The following TMC4 variants were observed in gnomAD, a reference collection of about 807,000 sequenced individuals.
TMC4 encodes transmembrane channel like 4.
TMC4 carries 70 observed loss-of-function variants against 82.0 expected under a neutral mutation model. The ratio of observed to expected loss-of-function variants is 0.85; its 90% CI spans 0.70 to 1.04. The LOEUF (loss-of-function observed/expected upper bound fraction) is 1.04, where lower values mean the gene tolerates loss of function less well. TMC4 is among the 50% of genes least tolerant of loss of function. The probability of loss-of-function intolerance (pLI) is 0.00; values close to 1 mark genes in which losing one functional copy is unlikely to be tolerated. For missense variants in TMC4, 879 were observed against 899.0 expected (o/e 0.98, Z 0.28); for synonymous variants, 446 against 406.0 (o/e 1.10, Z -1.18).
intron 6 of TMC4, 147 bp from the exon 7 acceptor site, chr19:54,164,748 C>A: frequency 9.2e-7 from 1 of 1,083,400 alleles, no homozygotes; most frequent in South Asian, 1.5e-5. Flanking sequence ...AGTCCTGGTT[C>A]CACCTGCTCC....
intron 2 of TMC4, 95 bp downstream of exon 2, chr19:54,171,775 G>A: frequency 8.6e-7 from 1 of 1,168,940 alleles, no homozygotes; most frequent in African/African-American, 1.6e-5. Flanking sequence ...CAGAAGCCAG[G>A]AGCGGCAGAG....
At position 54,168,618 on chromosome 19, in the gene TMC4, C is replaced by T. The variant is rs772052187; in HGVS notation, c.505G>A (p.Val169Met). Reference sequence around the variant, plus strand: ...CAGGCCATGAGCACAGAGGCCAGCACGTTAAGAAGGAGCAGGAAGCGCAGC... The same window carrying T: ...CAGGCCATGAGCACAGAGGCCAGCATGTTAAGAAGGAGCAGGAAGCGCAGC... ...SLLRFLLLLN[V>M]LASVLMACMT... Residue 169 changes from valine to methionine, a missense_variant, in exon 4 of 15, where the codon GTG becomes ATG. Transcript: ENST00000619895. The T allele has an allele frequency of 9.0e-5, 143 of 1,595,286 alleles. 1 individual carries two copies. The Middle Eastern group carries it at 2.2e-3, about 24-fold the overall frequency.
chr19:54,168,896 C>T (rs1294591728), intron 3 of TMC4, among the ~76,000 whole-genome samples: 13 of 17,130 alleles, frequency 7.6e-4, no homozygotes, highest in East Asian at 6.3e-3. Context: ...TCTTTCTTTC[C>T]TTTCTTTCTT....
At chr19:54,167,892 C>G (rs2075743556) in intron 5 of TMC4, among the ~76,000 whole-genome samples, 1 of 151,782 alleles carries the variant, frequency 6.6e-6, no homozygotes, top group African/African-American at 2.4e-5. Flanking sequence ...GAAACCCCAT[C>G]TCTACTAAAA....
At position 54,168,352 on chromosome 19, in the gene TMC4, A is replaced by C; in HGVS notation, c.676-60T>G. 3.3e-6 allele frequency: 5 copies of C among 1,535,106 alleles called. No homozygotes were observed. In the South Asian group the frequency reaches 4.9e-5, roughly 15 times the overall value. ...GAGGAGGCGGGGCTCCTGGAGCTGC[A>C]CAGTCAGGGTCTGGGGTCAGGGTTT... is the stretch of plus-strand genomic sequence containing the variant. On this transcript the variant is annotated intron_variant, in intron 4 of 14. Transcript: ENST00000619895.
At position 54,165,403 on chromosome 19, in the gene TMC4, C is replaced by T. The variant is rs758596891; in HGVS notation, c.945+16G>A. The stretch of plus-strand genomic sequence containing the variant: ...CTGGTCCCTACCCAGTTGCAGACCC[C>T]GCTCCCTAATCGCACCTTTAATTCG... On this transcript the variant is annotated intron_variant, in intron 6 of 14. Coordinates refer to ENST00000619895, the MANE Select transcript of TMC4 (RefSeq NM_144686.4). The T allele has an allele frequency of 1.2e-5, 19 of 1,583,798 alleles. No individual in the cohort carries two copies. Among genetic ancestry groups the T allele is most frequent in the Non-Finnish European group, 1.6e-5 (18 of 1,158,228 alleles).
intron 1 of TMC4, 77 bp downstream of exon 1, chr19:54,172,962 T>C (rs1466112069): frequency 1.5e-6 from 2 of 1,303,144 alleles, no homozygotes; most frequent in African/African-American, 1.5e-5. Context: ...AGGCCAGGCC[T>C]CCCCTTTCCT....
chr19:54,165,659 TG>T (rs1381246017), intron 5 of TMC4, 93 bp from the exon 6 acceptor site: 7 of 1,446,834 alleles, frequency 4.8e-6, no homozygotes, highest in Non-Finnish European at 6.5e-6. Context: ...ATGGGGAAGA[TG>T]AACCCTAAGG....
In TMC4 at chr19:54,160,968, T is replaced by C; in HGVS notation, c.1883A>G (p.Glu628Gly). The C allele has an allele frequency of 1.2e-6, 2 of 1,614,044 alleles. No homozygotes were observed. The highest frequency in any genetic ancestry group is 1.7e-6 in the Non-Finnish European group (2 of 1,180,030). The part of the protein sequence containing the change: ...GQSSIWAQIP[E>G]SISSLPETTQ... ...GGTCTCAGGGAGGCTGGAAATAGAC[T>C]CAGGGATCTGGGCCCAGATGGACGA... is the stretch of plus-strand genomic sequence containing the variant. The change falls in exon 13 of 15, where the codon GAG becomes GGG. Residue 628 changes from glutamate to glycine, a missense_variant. By Grantham distance (98) the Glu-to-Gly change is moderately conservative. Coordinates refer to ENST00000619895, the MANE Select transcript of TMC4 (RefSeq NM_144686.4).
At position 54,172,045 on chromosome 19, in the gene TMC4, C is replaced by T; in HGVS notation, c.118G>A (p.Ala40Thr). The change falls in exon 2 of 15, where the codon GCT (alanine) becomes ACT (threonine). Residue 40 changes from alanine to threonine, a missense_variant. Transcript: ENST00000619895. Reference sequence around the variant, plus strand: ...GGGTCTCGGTACCGAAGGGTGGCAGCACTGGGCAGCTCGTTCAGCACAGAA... The same window carrying T: ...GGGTCTCGGTACCGAAGGGTGGCAGTACTGGGCAGCTCGTTCAGCACAGAA... Reference protein sequence around the residue: ...LSSVLNELPSAATLRYRDPGV... With the variant: ...LSSVLNELPSTATLRYRDPGV... 1 of 1,612,272 alleles carries T rather than the reference C, an allele frequency of 6.2e-7. No individual in the cohort carries two copies. The highest frequency in any genetic ancestry group is 8.5e-7 in the Non-Finnish European group (1 of 1,179,054).
At chr19:54,168,812 C>CTT (rs1449210662) in intron 3 of TMC4, 132 bp from the exon 4 acceptor site, 1 of 38,862 alleles carries the variant, frequency 2.6e-5, no homozygotes, top group Admixed American at 7.1e-4. Flanking sequence ...CTTTTCTTTT[C>CTT]TTTTCTTTTC....
At chr19:54,164,126 C>G (rs141651503) in intron 7 of TMC4, among the ~76,000 whole-genome samples, 2,892 of 151,982 alleles carry the variant, frequency 0.019, 102 homozygotes, top group African/African-American at 0.066. Flanking sequence ...AGGCGCCCAC[C>G]ACCACGCCCG....
chr19:54,165,202 C>T (rs1250035755), intron 6 of TMC4, among the ~76,000 whole-genome samples: 2 of 151,976 alleles, frequency 1.3e-5, no homozygotes, highest in African/African-American at 2.4e-5. Context: ...GCCACCGATC[C>T]CAGCCCTGGC....
At position 54,163,190 on chromosome 19, in the gene TMC4, G is replaced by A. The variant is rs780368354; in HGVS notation, c.1278-31C>T. 16 of 1,612,824 alleles carry A rather than the reference G, an allele frequency of 9.9e-6. No homozygotes were observed. In the East Asian group the frequency reaches 3.1e-4, roughly 31 times the overall value. On this transcript the variant is annotated intron_variant, in intron 8 of 14. Coordinates refer to ENST00000619895, the MANE Select transcript of TMC4 (RefSeq NM_144686.4). The stretch of plus-strand genomic sequence containing the variant: ...GGGGGGAAGGCAGAGAATGGGCCCT[G>A]ACCCGGTACCCACCATGTGGCAGTT...
chr19:54,163,032 C>A lies in TMC4; in HGVS notation c.1404+1G>T, dbSNP rs2075605694. 1.2e-6 allele frequency: 2 copies of A among 1,614,056 alleles called. No homozygotes were observed. Among genetic ancestry groups the A allele is most frequent in the Non-Finnish European group, 1.7e-6 (2 of 1,180,052 alleles). ...CCCACGCACACCCATGCCGTTCTCA[C>A]CGGAAGTTGTTTGTAATTGTAGCCA... On this transcript the variant is annotated splice_donor_variant, in intron 9 of 14. Transcript: ENST00000619895. LOFTEE classifies it high-confidence loss of function.
In TMC4 at chr19:54,162,735, T is replaced by G. The variant is rs2075597685; in HGVS notation, c.1440A>C (p.Lys480Asn). Residue 480 changes from lysine (K) to asparagine (N), a missense_variant, in exon 10 of 15, where the codon AAA becomes AAC. Physicochemically the swap from Lys to Asn is moderately conservative, Grantham distance 94. Transcript: ENST00000619895. ...CAGTCAGCAGATCAAAGAGCAGAAG[T>G]TTGTACATTTCCTGGCCCAGGACAG... Reference protein sequence around the residue: ...WETVLGQEMYKLLLFDLLTVL... With the variant: ...WETVLGQEMYNLLLFDLLTVL... 1 of 1,613,554 alleles carries G rather than the reference T, an allele frequency of 6.2e-7. No individual in the cohort carries two copies. The highest frequency in any genetic ancestry group is 1.7e-5 in the Admixed American group (1 of 59,980).
chr19:54,160,659 A>C, intron 13 of TMC4, 114 bp from the exon 14 acceptor site: 2 of 1,539,354 alleles, frequency 1.3e-6, no homozygotes, highest in South Asian at 2.4e-5. Context: ...GTCTGGGCTC[A>C]AGGAGTTCAG....
In TMC4 at chr19:54,171,977, A is replaced by ATCCTCCTCT; in HGVS notation, c.185_186insAGAGGAGGA (p.Glu59_Glu61dup). ...TGAAGGCCTTTCTGCTCCTTCCTCCATCCTCCTCCTCCTCCTCCAGCGCCC... is the reference window on the plus strand; with the variant it reads ...TGAAGGCCTTTCTGCTCCTTCCTCCATCCTCCTCTTCCTCCTCCTCCTCCTCCAGCGCCC... On this transcript the variant is annotated inframe_insertion, in exon 2 of 15. Coordinates refer to ENST00000619895, the MANE Select transcript of TMC4 (RefSeq NM_144686.4). The ATCCTCCTCT allele has an allele frequency of 6.2e-7, 1 of 1,608,804 alleles. No homozygotes were observed. Among genetic ancestry groups the ATCCTCCTCT allele is most frequent in the Non-Finnish European group, 8.5e-7 (1 of 1,177,516 alleles).
intron 1 of TMC4, chr19:54,172,675 C>T: frequency 3.6e-6 from 1 of 279,294 alleles, no homozygotes; most frequent in East Asian, 7.2e-5. Context: ...CAGGGGTCCA[C>T]AGCCCTCAAC....
Sources: allele counts gnomAD v4.1 joint callset (sites outside exome capture counted in the v4.1 genomes callset), GRCh38; gene constraint gnomAD v4.1.1; transcripts MANE v1.5; gene names NCBI Gene and HGNC (gene_info 2026-07-23, HGNC 2026-07-21).